MASP2: variants seen among roughly 807,000 people sequenced by gnomAD.
The protein encoded by MASP2 is MBL associated serine protease 2.
A neutral mutation model predicts 57.1 loss-of-function variants in MASP2; 49 were observed. The ratio of observed to expected loss-of-function variants is 0.86; its 90% CI spans 0.68 to 1.09. The LOEUF (loss-of-function observed/expected upper bound fraction) is 1.09, where lower values mean the gene tolerates loss of function less well. Among genes scored for constraint, MASP2 ranks in the 50% least tolerant of loss-of-function variants. MASP2 has a pLI of 0.00. For synonymous variants in MASP2, 379 were observed against 340.8 expected (o/e 1.11, Z -1.24); for missense variants, 900 against 874.8 (o/e 1.03, Z -0.36).
chr1:11,030,119 C>G (rs148080314), intron 10 of MASP2, 57 bp downstream of exon 10: 1 of 1,302,916 alleles, frequency 7.7e-7, no homozygotes, highest in African/African-American at 1.5e-5. Context: ...CTCACTGTCT[C>G]CTACCCAGTC....
Position 11,034,859 on chromosome 1 carries a change from T to C in MASP2, c.1056A>G (p.Gly352=). The C allele has an allele frequency of 6.2e-7, 1 of 1,613,186 alleles. No individual in the cohort carries two copies. The highest frequency in any genetic ancestry group is 8.5e-7 in the Non-Finnish European group (1 of 1,179,704). Residue 352 remains glycine, a synonymous_variant, in exon 8 of 11, where the codon GGA becomes GGG. Coordinates refer to ENST00000400897, the MANE Select transcript of MASP2 (RefSeq NM_006610.4). ...KSFTAVCQKD[G]SWDRPMPACS... is the part of the protein sequence containing the mutation. ...ACGCGGGCATTGGCCGGTCCCAAGA[T>C]CCATCTTTCTGACAAACTGCAGTAA...
Position 11,030,785 on chromosome 1 carries a change from G to A in MASP2, c.1185C>T (p.Ser395=). Residue 395 remains serine, a synonymous_variant, in exon 9 of 11, where the codon AGC becomes AGT. Coordinates refer to ENST00000400897, the MANE Select transcript of MASP2 (RefSeq NM_006610.4). ...VTTYKAVIQY[S]CEETFYTMKV... is the part of the protein sequence containing the mutation. Reference sequence around the variant, plus strand: ...TCATTGTGTAGAAGGTCTCTTCACAGCTGTACTGAATCACAGCTTTGTAGG... The same window carrying A: ...TCATTGTGTAGAAGGTCTCTTCACAACTGTACTGAATCACAGCTTTGTAGG... 6.2e-7 allele frequency: 1 copy of A among 1,613,866 alleles called. No individual in the cohort carries two copies. The highest frequency in any genetic ancestry group is 1.1e-5 in the South Asian group (1 of 91,028).
rs1643828545 is a variant in MASP2, at chr1:11,030,678, G to A, written c.1222+70C>T. 2.0e-6 allele frequency: 3 copies of A among 1,496,558 alleles called. No homozygotes were observed. The South Asian group carries it at 4.2e-5, about 21-fold the overall frequency. The allele number at this position is 1,496,558 out of a possible 1,614,324, so 92.7% of individuals were successfully genotyped here. On this transcript the variant is annotated intron_variant, in intron 9 of 10. Transcript: ENST00000400897. ...GCCTTAGCCAAAAATGTTGGTTAAA[G>A]TTTATTTTCAGACCATGGGGGCTCA...
intron 7 of MASP2, among the ~76,000 whole-genome samples, chr1:11,036,482 G>T (rs1170968678): frequency 7.5e-6 from 1 of 134,222 alleles, no homozygotes; most frequent in Non-Finnish European, 1.5e-5. Flanking sequence ...CCGCAGTCCG[G>T]CCTGGGCGAC....
intron 6 of MASP2, among the ~76,000 whole-genome samples, chr1:11,041,127 A>ATGGATGGG (rs1638415855): frequency 1.4e-5 from 2 of 147,214 alleles, no homozygotes; most frequent in Non-Finnish European, 3.0e-5. Flanking sequence ...GGATGGATGG[A>ATGGATGGG]TGGATGGAAG....
intron 6 of MASP2, among the ~76,000 whole-genome samples, chr1:11,039,623 A>G (rs1277323607): frequency 8.1e-6 from 1 of 124,052 alleles, no homozygotes; most frequent in African/African-American, 3.1e-5. Context: ...GGATGGATAT[A>G]TGGGTGGATA....
chr1:11,043,591 C>T, intron 4 of MASP2, 56 bp from the exon 5 acceptor site: 1 of 1,235,752 alleles, frequency 8.1e-7, no homozygotes, highest in Admixed American at 2.0e-5. Context: ...AGCCCTCGCA[C>T]CAACAGCAGG....
At chr1:11,031,932 C>A (rs932532950) in intron 8 of MASP2, among the ~76,000 whole-genome samples, 10 of 152,142 alleles carry the variant, frequency 6.6e-5, no homozygotes, top group Admixed American at 1.3e-4. Flanking sequence ...TCAGCTTATT[C>A]TTCTGATCCT....
At chr1:11,041,663 G>A (rs373202370) in intron 6 of MASP2, among the ~76,000 whole-genome samples, 10 of 27,652 alleles carry the variant, frequency 3.6e-4, no homozygotes, top group African/African-American at 1.5e-3. Flanking sequence ...AGAAGGATGA[G>A]TGAATGGATA....
intron 8 of MASP2, among the ~76,000 whole-genome samples, chr1:11,034,241 C>T (rs1424162998): frequency 1.0e-5 from 1 of 96,976 alleles, no homozygotes; most frequent in Non-Finnish European, 1.9e-5. Flanking sequence ...AGACCCTTCT[C>T]AGAAAAAAAA....
rs1198143010 is a variant in MASP2 at position 11,026,712 on chromosome 1, A to G, written c.*173T>C. The G allele has an allele frequency of 2.1e-6, 1 of 475,634 alleles. No individual in the cohort carries two copies. Among genetic ancestry groups the G allele is most frequent in the Non-Finnish European group, 3.6e-6 (1 of 281,340 alleles). 29.5% of individuals were successfully genotyped at this position (475,634 alleles called of 1,614,324 possible). ...CCCTTGAGTCAATGGGTAAGGCTGG[A>G]ATTAAACTGGCAAGTGGAGAAATGA... On this transcript the variant is annotated 3_prime_UTR_variant, in exon 11 of 11. Transcript: ENST00000400897.
intron 8 of MASP2, among the ~76,000 whole-genome samples, chr1:11,032,107 G>A (rs150888976): frequency 6.6e-6 from 1 of 152,114 alleles, no homozygotes; most frequent in African/African-American, 2.4e-5. Flanking sequence ...TATGTGGCAC[G>A]TGCCTGTAGT....
At chr1:11,036,770 G>GC (rs977914320) in intron 7 of MASP2, among the ~76,000 whole-genome samples, 4 of 151,418 alleles carry the variant, frequency 2.6e-5, no homozygotes, top group Non-Finnish European at 4.4e-5. Flanking sequence ...TCTTACCTGT[G>GC]CCCCTAAAGC....
chr1:11,045,020 G>T, intron 4 of MASP2: 2 of 1,493,074 alleles, frequency 1.3e-6, no homozygotes, highest in South Asian at 1.2e-5. Context: ...GGGAGGCAGG[G>T]TCAGCGCCAG....
intron 6 of MASP2, among the ~76,000 whole-genome samples, chr1:11,041,176 TTGGA>T (rs1374208241): frequency 2.9e-5 from 4 of 137,766 alleles, no homozygotes; most frequent in East Asian, 2.2e-4. Flanking sequence ...GGTAGATGAA[TTGGA>T]TGGATGGATG....
rs1361613057 is a variant in MASP2, at chr1:11,027,473, A to T, written c.1473T>A (p.Asp491Glu). The change falls in exon 11 of 11, where the codon GAT becomes GAA. Residue 491 changes from aspartate (D) to glutamate (E), a missense_variant. By Grantham distance (45) the Asp-to-Glu change is conservative. Transcript: ENST00000400897. ...CCATTCGAATGTCCAGGGCGGATGC[A>T]TCATGTTTTTGCTCATAGACGGCAT... Reference protein sequence around the residue: ...AAHAVYEQKHDASALDIRMGT... With the variant: ...AAHAVYEQKHEASALDIRMGT... 6.2e-7 allele frequency: 1 copy of T among 1,614,038 alleles called. No homozygotes were observed. The highest frequency in any genetic ancestry group is 2.2e-5 in the East Asian group (1 of 44,882).
At chr1:11,032,325 G>A (rs918350289) in intron 8 of MASP2, among the ~76,000 whole-genome samples, 1 of 152,130 alleles carries the variant, frequency 6.6e-6, no homozygotes. Flanking sequence ...AAACGGTAAC[G>A]ATTAGGCCGG....
At chr1:11,046,428 G>T in intron 3 of MASP2, 128 bp downstream of exon 3, 1 of 1,056,050 alleles carries the variant, frequency 9.5e-7, no homozygotes, top group Non-Finnish European at 1.4e-6. Context: ...GATGATGTCA[G>T]GCCAGAGGCC....
At position 11,042,996 on chromosome 1, in the gene MASP2, G is replaced by A; in HGVS notation, c.768C>T (p.Gly256=). Residue 256 remains glycine (G), a synonymous_variant, in exon 6 of 11, where the codon GGC becomes GGT. Coordinates refer to ENST00000400897, the MANE Select transcript of MASP2 (RefSeq NM_006610.4). ...GGGGCAATGTCTTCCCACAGAATGG[G>A]CCATGTTCTTCTCTGTCTGTTTGAA... ...LKIQTDREEH[G]PFCGKTLPHR... 6.2e-7 allele frequency: 1 copy of A among 1,613,958 alleles called. No homozygotes were observed. The highest frequency in any genetic ancestry group is 1.1e-5 in the South Asian group (1 of 91,080).
Sources: allele counts gnomAD v4.1 joint callset (sites outside exome capture counted in the v4.1 genomes callset), GRCh38; gene constraint gnomAD v4.1.1; transcripts MANE v1.5; gene names NCBI Gene and HGNC (gene_info 2026-07-23, HGNC 2026-07-21).